SEMA4D: variants seen among roughly 807,000 people sequenced by gnomAD.
SEMA4D encodes semaphorin-4D.
Under a neutral mutation model 74.8 loss-of-function variants are expected in SEMA4D, and 22 were observed. The observed-to-expected ratio is 0.29, with a 90% CI of 0.21 to 0.42. SEMA4D has a LOEUF of 0.42. SEMA4D is among the 10% of genes least tolerant of loss of function. The pLI is 1.00. For missense variants in SEMA4D, 937 were observed against 1,118.4 expected (o/e 0.84, Z 2.31); for synonymous variants, 445 against 463.7 (o/e 0.96, Z 0.52).
intron 2 of SEMA4D, among the ~76,000 whole-genome samples, chr9:89,415,844 C>A (rs983337624): frequency 1.3e-5 from 2 of 152,210 alleles, no homozygotes; most frequent in Non-Finnish European, 2.9e-5. Flanking sequence ...AGCAGAGATG[C>A]TTCCAGAATG....
intron 1 of SEMA4D, among the ~76,000 whole-genome samples, chr9:89,478,182 G>A (rs1001208625): frequency 6.6e-6 from 1 of 152,220 alleles, no homozygotes; most frequent in Non-Finnish European, 1.5e-5. Context: ...GTAACAGGTT[G>A]AAGAGATGCA....
rs761879711 is a variant in SEMA4D, at chr9:89,392,531, C to T, written c.514G>A (p.Glu172Lys). The change falls in exon 8 of 16, where the codon GAA becomes AAA. Residue 172 changes from glutamate (E) to lysine (K), a missense_variant. Glu to Lys is a moderately conservative substitution (Grantham distance 56). Transcript: ENST00000422704. ...TTATACGACGTCCCCGAATAAAGTT[C>T]TCCATCTGCAGGGGCCCAGAAGAAA... is the stretch of plus-strand genomic sequence containing the variant. ...HSYTSVMVDG[E>K]LYSGTSYNFL... The T allele has an allele frequency of 6.2e-7, 1 of 1,611,032 alleles. No individual in the cohort carries two copies. The highest frequency in any genetic ancestry group is 8.5e-7 in the Non-Finnish European group (1 of 1,177,248).
chr9:89,452,429 C>T (rs555582971), intron 2 of SEMA4D, among the ~76,000 whole-genome samples: 56 of 152,170 alleles, frequency 3.7e-4, no homozygotes, highest in African/African-American at 1.1e-3. Context: ...CCGCCAGCCC[C>T]GGCCTCCCAA....
chr9:89,363,894 C>A, exon 17 of SEMA4D: 1 of 1,614,118 alleles, frequency 6.2e-7, no homozygotes. Flanking sequence ...TGCACAGGGA[C>A]ACAGGTCTCC....
chr9:89,456,446 T>C (rs1459162699), intron 1 of SEMA4D, among the ~76,000 whole-genome samples: 1 of 152,230 alleles, frequency 6.6e-6, no homozygotes, highest in Admixed American at 6.5e-5. Flanking sequence ...ACAATGTCAG[T>C]GCTAGCATTC....
chr9:89,384,551 G>A, intron 13 of SEMA4D: 1 of 585,754 alleles, frequency 1.7e-6, no homozygotes, highest in Non-Finnish European at 2.2e-6. Flanking sequence ...GCACCCTGCA[G>A]ACAGACAGTG....
chr9:89,457,261 T>C (rs930430160), intron 1 of SEMA4D, among the ~76,000 whole-genome samples: 3 of 152,116 alleles, frequency 2.0e-5, no homozygotes, highest in Non-Finnish European at 4.4e-5. Context: ...GCAGACCCAG[T>C]GCACCTGACT....
intron 1 of SEMA4D, among the ~76,000 whole-genome samples, chr9:89,456,350 C>G (rs1024505263): frequency 2.0e-5 from 3 of 152,248 alleles, no homozygotes; most frequent in Non-Finnish European, 4.4e-5. Context: ...CCCAGAAACC[C>G]TGTGACCCAC....
intron 2 of SEMA4D, among the ~76,000 whole-genome samples, chr9:89,413,836 GTGCA>G (rs1317176334): frequency 6.6e-6 from 1 of 152,210 alleles, no homozygotes; most frequent in Non-Finnish European, 1.5e-5. Context: ...GTGCACATAC[GTGCA>G]TGCATCTGTG....
At chr9:89,474,935 C>T (rs964575788) in intron 1 of SEMA4D, among the ~76,000 whole-genome samples, 3 of 152,242 alleles carry the variant, frequency 2.0e-5, no homozygotes, top group Admixed American at 2.0e-4. Context: ...GAAAGCACTT[C>T]TGAGAGCAGC....
intron 13 of SEMA4D, chr9:89,385,495 C>A: frequency 2.0e-6 from 2 of 985,352 alleles, no homozygotes; most frequent in Non-Finnish European, 2.4e-6. Context: ...TCCTGGAGAC[C>A]GAGAGGCTGG....
chr9:89,433,074 AACTGGCTCTAGG>A (rs1379326701), intron 2 of SEMA4D, among the ~76,000 whole-genome samples: 1 of 152,240 alleles, frequency 6.6e-6, no homozygotes, highest in Non-Finnish European at 1.5e-5. Flanking sequence ...AACGTGGCAG[AACTGGCTCTAGG>A]ACTTGCCAAG....
intron 1 of SEMA4D, among the ~76,000 whole-genome samples, chr9:89,458,927 AC>A (rs1246081930): frequency 1.0e-4 from 12 of 116,276 alleles, no homozygotes; most frequent in Non-Finnish European, 1.9e-4. Context: ...TACTGCACAC[AC>A]CCACATGTAC....
In SEMA4D at chr9:89,379,142, G is replaced by A. The variant is rs1344552148; in HGVS notation, c.2151C>T (p.Val717=). Residue 717 remains valine (V), a synonymous_variant, in exon 16 of 16, where the codon GTC becomes GTT. Coordinates refer to ENST00000422704, the MANE Select transcript of SEMA4D (RefSeq NM_001371194.2). ...SCEPKIVINT[V]PQLHSEKTMY... Reference sequence around the variant, plus strand: ...TGGTTTTCTCCGAGTGGAGCTGGGGGACCGTGTTGATGACGATCTTTGGTT... The same window carrying A: ...TGGTTTTCTCCGAGTGGAGCTGGGGAACCGTGTTGATGACGATCTTTGGTT... 1 of 1,614,220 alleles carries A rather than the reference G, an allele frequency of 6.2e-7. No individual in the cohort carries two copies. The highest frequency in any genetic ancestry group is 8.5e-7 in the Non-Finnish European group (1 of 1,180,034).
At chr9:89,430,684 A>G (rs943259072) in intron 2 of SEMA4D, among the ~76,000 whole-genome samples, 6 of 152,238 alleles carry the variant, frequency 3.9e-5, no homozygotes, top group South Asian at 2.1e-4. Context: ...CCAAATATGC[A>G]CCATCAGATG....
rs199572289 is a variant in SEMA4D at position 89,391,420 on chromosome 9, A to G, written c.623-5T>C. On this transcript the variant is annotated splice_polypyrimidine_tract_variant and splice_region_variant and intron_variant, in intron 8 of 15. Transcript: ENST00000422704. ...CAGCAAACACGAAACTAGGCTCTGC[A>G]GAGAGAGGACAGTGATTATCCCAGA... The G allele has an allele frequency of 8.7e-6, 14 of 1,614,190 alleles. No individual in the cohort carries two copies. In the African/African-American group the frequency reaches 1.2e-4, roughly 14 times the overall value.
chr9:89,462,949 AGG>A (rs1857622686), intron 1 of SEMA4D, among the ~76,000 whole-genome samples: 1 of 101,774 alleles, frequency 9.8e-6, no homozygotes, highest in Non-Finnish European at 2.2e-5. Flanking sequence ...CTGGAAAGAA[AGG>A]AGGGGGGAGC....
chr9:89,381,185 C>G lies in SEMA4D; in HGVS notation c.1608G>C (p.Glu536Asp). The change falls in exon 14 of 16, where the codon GAG becomes GAC. Residue 536 changes from glutamate to aspartate, a missense_variant. Glu to Asp is a conservative substitution (Grantham distance 45, BLOSUM62 2). Transcript: ENST00000422704. This position sits in a 1 kb window ranked among gnomAD's most constrained non-coding sequence, Gnocchi z 4.6. ...TATCVALHQT[E>D]SPSRGLIQEM... is the part of the protein sequence containing the mutation. ...ATCCCGCCCCATACCTGCTGGGGCT[C>G]TCGGTCTGGTGCAGAGCCACGCAGG... is the stretch of plus-strand genomic sequence containing the variant. 6.2e-7 allele frequency: 1 copy of G among 1,613,748 alleles called. No homozygotes were observed. Among genetic ancestry groups the G allele is most frequent in the Admixed American group, 1.7e-5 (1 of 60,028 alleles).
chr9:89,383,069 AG>A (rs1837535653), intron 13 of SEMA4D, among the ~76,000 whole-genome samples: 1 of 152,188 alleles, frequency 6.6e-6, no homozygotes, highest in South Asian at 2.1e-4. Context: ...TGACTGTGGA[AG>A]GGAAGAGGGG....
Sources: allele counts gnomAD v4.1 joint callset (sites outside exome capture counted in the v4.1 genomes callset), GRCh38; gene constraint gnomAD v4.1.1; non-coding constraint Gnocchi (gnomAD v3.1); transcripts MANE v1.5; gene names NCBI Gene and HGNC (gene_info 2026-07-23, HGNC 2026-07-21).